The following ACSM4 variants were observed in gnomAD, a reference collection of about 807,000 sequenced individuals.
ACSM4 encodes acyl-CoA synthetase medium chain family member 4, also known as acyl-coenzyme A synthetase ACSM4, mitochondrial.
In ACSM4, 66 loss-of-function variants were observed where a neutral mutation model predicts 73.0. That is an observed-to-expected ratio of 0.90 (90% CI 0.74 to 1.11). ACSM4 has a LOEUF of 1.11. Ranked by LOEUF, ACSM4 falls within the 50% of genes least tolerant of loss-of-function variation. The probability of loss-of-function intolerance (pLI) is 0.00; values close to 1 mark genes in which losing one functional copy is unlikely to be tolerated. For missense variants in ACSM4, 645 were observed against 714.4 expected (o/e 0.90, Z 1.11); for synonymous variants, 222 against 254.0 (o/e 0.87, Z 1.20).
chr12:7,326,933 C>T, intron 11 of ACSM4, 43 bp from the exon 12 acceptor site: 1 of 1,543,752 alleles, frequency 6.5e-7, no homozygotes, highest in Non-Finnish European at 8.7e-7. Flanking sequence ...CTTGATGTGT[C>T]TGAAAAACAA....
intron 5 of ACSM4, among the ~76,000 whole-genome samples, chr12:7,320,346 C>G (rs184195302): frequency 6.6e-6 from 1 of 152,162 alleles, no homozygotes; most frequent in African/African-American, 2.4e-5. Flanking sequence ...TTAGCTTATA[C>G]ATCCATAGTC....
intron 12 of ACSM4, among the ~76,000 whole-genome samples, chr12:7,327,498 A>G: frequency 6.6e-6 from 1 of 152,200 alleles, no homozygotes; most frequent in Non-Finnish European, 1.5e-5. Context: ...GACCTCATTT[A>G]GTGTTCAGAA....
chr12:7,317,188 G>C lies in ACSM4; in HGVS notation c.672G>C (p.Met224Ile), dbSNP rs753519023. 7 of 1,612,874 alleles carry C rather than the reference G, an allele frequency of 4.3e-6. No individual in the cohort carries two copies. In the East Asian group the frequency reaches 1.3e-4, roughly 31 times the overall value. Residue 224 changes from methionine (M) to isoleucine (I), a missense_variant, in exon 4 of 13, where the codon ATG (methionine) becomes ATC (isoleucine). By Grantham distance (10) the Met-to-Ile change is conservative. Coordinates refer to ENST00000399422, the MANE Select transcript of ACSM4 (RefSeq NM_001080454.2). ...SCVETGSQEP[M>I]TIYFTSGTTG... ...TGGAAACAGGAAGTCAAGAACCAAT[G>C]ACCATTTATTTCACCAGTGGGACCA...
At chr12:7,304,580 T>C in intron 1 of ACSM4, 48 bp downstream of exon 1, 1 of 1,554,524 alleles carries the variant, frequency 6.4e-7, no homozygotes, top group Non-Finnish European at 8.9e-7. Flanking sequence ...CCCTTATCTC[T>C]CAGTCTTCCA....
rs1189675737 is a variant in ACSM4 at position 7,324,314 on chromosome 12, T to C, written c.1350T>C (p.Phe450=). 1.2e-6 allele frequency: 2 copies of C among 1,613,702 alleles called. No individual in the cohort carries two copies. The highest frequency in any genetic ancestry group is 2.7e-5 in the African/African-American group (2 of 74,938). The change falls in exon 10 of 13, where the codon TTT becomes TTC. Residue 450 remains phenylalanine, a synonymous_variant. Coordinates refer to ENST00000399422, the MANE Select transcript of ACSM4 (RefSeq NM_001080454.2). ...CTGCTGCCACGATAAGAGGAGATTT[T>C]TATGTCACTGGAGACAGAGGAGTGA... ...QKTAATIRGD[F]YVTGDRGVMD...
intron 3 of ACSM4, 139 bp downstream of exon 3, chr12:7,310,885 G>C (rs1017981221): frequency 2.2e-6 from 2 of 913,136 alleles, no homozygotes; most frequent in African/African-American, 1.7e-5. Context: ...TTACCTAATA[G>C]CTGGGTGCGC....
At position 7,315,845 on chromosome 12, in the gene ACSM4, G is replaced by C. The variant is rs188813285; in HGVS notation, c.621-1292G>C. Among the ~76,000 whole-genome samples the C allele has an allele frequency of 8.5e-5, 13 of 152,260 alleles. No homozygotes were observed. The East Asian group carries it at 2.5e-3, about 29-fold the overall frequency. ...ACTGGGGCTCAAGTATCCAAGGTGG[G>C]TTCACCTTTAAGTCAGGCTGGCTGC... On this transcript the variant is annotated intron_variant, in intron 3 of 12. Transcript: ENST00000399422.
chr12:7,317,585 T>A (rs1946430997), intron 4 of ACSM4, among the ~76,000 whole-genome samples: 1 of 152,206 alleles, frequency 6.6e-6, no homozygotes, highest in Non-Finnish European at 1.5e-5. Flanking sequence ...ATCCGACCAT[T>A]GTCACATTAT....
intron 2 of ACSM4, among the ~76,000 whole-genome samples, chr12:7,308,172 G>A (rs1157713127): frequency 6.6e-6 from 1 of 151,976 alleles, no homozygotes; most frequent in African/African-American, 2.4e-5. Context: ...AATAAAAACA[G>A]CATTATATAA....
At position 7,323,457 on chromosome 12, in the gene ACSM4, A is replaced by G. The variant is rs1375649589; in HGVS notation, c.1207-2A>G. 6.2e-6 allele frequency: 10 copies of G among 1,613,470 alleles called. No homozygotes were observed. The highest frequency in any genetic ancestry group is 3.3e-5 in the Admixed American group (2 of 59,982). On this transcript the variant is annotated splice_acceptor_variant, in intron 8 of 12. Transcript: ENST00000399422. LOFTEE classifies it high-confidence loss of function. ...GACCATCAATTATTTCTTTCATTCC[A>G]GATTATAGATGAAAATGGCAATGTT... is the stretch of plus-strand genomic sequence containing the variant.
intron 3 of ACSM4, among the ~76,000 whole-genome samples, chr12:7,311,921 C>T (rs2136330223): frequency 6.6e-6 from 1 of 152,282 alleles, no homozygotes; most frequent in South Asian, 2.1e-4. Context: ...AACTCCTGAC[C>T]TCAAAGTGAT....
chr12:7,324,133 G>A, intron 9 of ACSM4, 140 bp from the exon 10 acceptor site: 1 of 1,011,002 alleles, frequency 9.9e-7, no homozygotes, highest in Non-Finnish European at 1.4e-6. Flanking sequence ...TCCAGTCTAG[G>A]CAACAGAGAG....
rs74498333 is a variant in ACSM4, at chr12:7,316,964, C to T, written c.621-173C>T. ...GCTGTTAAATCTTAGCACTGACCTT[C>T]AAAGTCCCGCTAAGATTTCTTGAGG... On this transcript the variant is annotated intron_variant, in intron 3 of 12. Coordinates refer to ENST00000399422, the MANE Select transcript of ACSM4 (RefSeq NM_001080454.2). Among the ~76,000 whole-genome samples the T allele has an allele frequency of 7.6e-3, 1,151 of 152,282 alleles. 15 individuals carry two copies. The highest frequency in any genetic ancestry group is 0.026 in the African/African-American group (1,092 of 41,540).
intron 1 of ACSM4, among the ~76,000 whole-genome samples, chr12:7,305,560 T>C (rs149573504): frequency 7.3e-4 from 111 of 152,280 alleles, no homozygotes; most frequent in African/African-American, 2.5e-3. Context: ...CTTGACCTCA[T>C]AGAAGCTAAG....
chr12:7,326,221 G>GGCA (rs1946504213), intron 11 of ACSM4, among the ~76,000 whole-genome samples: 1 of 151,986 alleles, frequency 6.6e-6, no homozygotes, highest in Non-Finnish European at 1.5e-5. Context: ...TTGTTTTTTT[G>GGCA]AGATGGAGAC....
At chr12:7,321,741 TC>T (rs1946465452) in intron 6 of ACSM4, among the ~76,000 whole-genome samples, 1 of 152,150 alleles carries the variant, frequency 6.6e-6, no homozygotes, top group Admixed American at 6.5e-5. Flanking sequence ...AAAGCTAAGC[TC>T]CAAAGTCAAA....
Position 7,304,113 on chromosome 12 carries a change from G to C in ACSM4, c.-219G>C, listed in dbSNP as rs921324949. ...GGTCACAGACAGAATGAAGAGGAAGGGTCCAGTGGCAGGGAGACCAGTCAG... is the reference window on the plus strand; with the variant it reads ...GGTCACAGACAGAATGAAGAGGAAGCGTCCAGTGGCAGGGAGACCAGTCAG... On this transcript the variant is annotated 5_prime_UTR_variant, in exon 1 of 13. Transcript: ENST00000399422. 2.6e-5 allele frequency among the ~76,000 whole-genome samples: 4 copies of C among 152,058 alleles called. No homozygotes were observed. Among genetic ancestry groups the C allele is most frequent in the Non-Finnish European group, 4.4e-5 (3 of 68,016 alleles).
At chr12:7,317,887 A>G (rs1376069184) in intron 4 of ACSM4, 139 bp from the exon 5 acceptor site, 14 of 911,314 alleles carry the variant, frequency 1.5e-5, no homozygotes, top group Non-Finnish European at 1.9e-5. Context: ...AGTTGAATCT[A>G]TCACCTTGCC....
At chr12:7,315,647 T>C (rs764134624) in intron 3 of ACSM4, among the ~76,000 whole-genome samples, 7 of 152,174 alleles carry the variant, frequency 4.6e-5, no homozygotes, top group Non-Finnish European at 8.8e-5. Flanking sequence ...AAAAATATGA[T>C]ACACCAGTCT....
Sources: allele counts gnomAD v4.1 joint callset (sites outside exome capture counted in the v4.1 genomes callset), GRCh38; gene constraint gnomAD v4.1.1; transcripts MANE v1.5; gene names NCBI Gene and HGNC (gene_info 2026-07-23, HGNC 2026-07-21).